LNPEP: variants seen among roughly 807,000 people sequenced by gnomAD.
The protein encoded by LNPEP is leucyl-cystinyl aminopeptidase.
In LNPEP, 64 loss-of-function variants were observed where a neutral mutation model predicts 120.6. The ratio of observed to expected loss-of-function variants is 0.53; its 90% CI spans 0.43 to 0.65. LNPEP has a LOEUF of 0.65. Among genes scored for constraint, LNPEP ranks in the 30% least tolerant of loss-of-function variants. LNPEP has a pLI of 0.00. For synonymous variants in LNPEP, 435 were observed against 425.4 expected (o/e 1.02, Z -0.28); for missense variants, 1,057 against 1,200.0 (o/e 0.88, Z 1.76).
At position 96,936,189 on chromosome 5, in the gene LNPEP, G is replaced by A; in HGVS notation, c.19+15G>A. On this transcript the variant is annotated intron_variant, in intron 1 of 17. Coordinates refer to ENST00000231368, the MANE Select transcript of LNPEP (RefSeq NM_005575.3). ...CTTCACCAATGGTGAGTGGGCTGCC[G>A]AGGCGCCGGGACCCGGGCTCTCCGG... 1 of 1,441,040 alleles carries A rather than the reference G, an allele frequency of 6.9e-7. No individual in the cohort carries two copies. The highest frequency in any genetic ancestry group is 9.1e-7 in the Non-Finnish European group (1 of 1,098,936). The allele number at this position is 1,441,040 out of a possible 1,614,324, so 89.3% of individuals were successfully genotyped here.
chr5:96,937,881 AAAAG>A (rs1788956143), intron 1 of LNPEP: 1 of 152,254 alleles, frequency 6.6e-6, no homozygotes, highest in African/African-American at 2.4e-5. Context: ...AGAGAACAAA[AAAAG>A]AAGCAATGCT....
intron 13 of LNPEP, among the ~76,000 whole-genome samples, chr5:97,019,235 C>G (rs1791132263): frequency 6.6e-6 from 1 of 152,106 alleles, no homozygotes; most frequent in Non-Finnish European, 1.5e-5. Context: ...TCTCCACTTG[C>G]CATTTCACTT....
intron 1 of LNPEP, among the ~76,000 whole-genome samples, chr5:96,940,945 G>A (rs189557920): frequency 1.4e-4 from 22 of 152,294 alleles, no homozygotes. Flanking sequence ...AGGGGAGAAG[G>A]TTTGGGGATG....
intron 12 of LNPEP, 44 bp downstream of exon 12, chr5:97,013,875 T>C: frequency 7.3e-7 from 1 of 1,377,272 alleles, no homozygotes; most frequent in Non-Finnish European, 1.0e-6. Context: ...TTTAAACAAA[T>C]GTCATTGAGG....
In LNPEP at chr5:97,006,490, G is replaced by A. The variant is rs775864248; in HGVS notation, c.2010G>A (p.Ser670=). The A allele has an allele frequency of 1.1e-5, 17 of 1,558,980 alleles. No homozygotes were observed. The highest frequency in any genetic ancestry group is 1.4e-5 in the Non-Finnish European group (16 of 1,130,854). The change falls in exon 11 of 18, where the codon TCG becomes TCA. Residue 670 remains serine, a synonymous_variant. Transcript: ENST00000231368. ...TEGRNYSKYQ[S]VSLLDKKSGV... is the part of the protein sequence containing the mutation. ...GAAGAAATTATTCAAAATATCAATC[G>A]GTATCATTACTGGATAAGAAATCAG...
At chr5:97,022,759 G>A (rs926533998) in intron 14 of LNPEP, among the ~76,000 whole-genome samples, 2 of 148,032 alleles carry the variant, frequency 1.4e-5, no homozygotes, top group African/African-American at 5.0e-5. Context: ...TTAGCATTAG[G>A]TATATCTCCT....
At chr5:96,966,211 T>C (rs1335138731) in intron 1 of LNPEP, among the ~76,000 whole-genome samples, 1 of 152,044 alleles carries the variant, frequency 6.6e-6, no homozygotes, top group African/African-American at 2.4e-5. Context: ...TTGAAAGTGA[T>C]GGAGGCCAAG....
At chr5:97,023,714 A>T (rs1791269738) in intron 14 of LNPEP, among the ~76,000 whole-genome samples, 1 of 151,964 alleles carries the variant, frequency 6.6e-6, no homozygotes, top group Admixed American at 6.6e-5. Flanking sequence ...TCTCCTAGAG[A>T]CCCTGCTTTC....
chr5:97,002,003 G>A (rs924025474), intron 8 of LNPEP, among the ~76,000 whole-genome samples: 7 of 152,156 alleles, frequency 4.6e-5, no homozygotes, highest in African/African-American at 1.4e-4. Context: ...AGCTGGGCGT[G>A]GTGGTGGTGC....
At chr5:96,987,044 A>G (rs1031397293) in intron 4 of LNPEP, among the ~76,000 whole-genome samples, 2 of 152,192 alleles carry the variant, frequency 1.3e-5, no homozygotes, top group Non-Finnish European at 2.9e-5. Flanking sequence ...CCATATTTCA[A>G]GTGTTCAGCA....
At chr5:97,003,093 A>C (rs940621395) in intron 8 of LNPEP, among the ~76,000 whole-genome samples, 1 of 152,164 alleles carries the variant, frequency 6.6e-6, no homozygotes, top group African/African-American at 2.4e-5. Context: ...TTTTCTATTA[A>C]AATGTTTTTA....
At chr5:97,008,023 C>T (rs1475185611) in intron 11 of LNPEP, among the ~76,000 whole-genome samples, 1 of 152,132 alleles carries the variant, frequency 6.6e-6, no homozygotes, top group East Asian at 1.9e-4. Flanking sequence ...TTGGTAATGT[C>T]ATCATATCTT....
Position 96,996,326 on chromosome 5 carries a change from A to C in LNPEP, c.1408-64A>C, listed in dbSNP as rs139514647. 34 of 884,768 alleles carry C rather than the reference A, an allele frequency of 3.8e-5. No individual in the cohort carries two copies. In the African/African-American group the frequency reaches 5.1e-4, roughly 13 times the overall value. 54.8% of individuals were successfully genotyped at this position (884,768 alleles called of 1,614,324 possible). ...AGATAATTAATATGACACTTCAGCC[A>C]ATTATTTAAAAAATTCCTGAGGCTG... On this transcript the variant is annotated intron_variant, in intron 6 of 17. Coordinates refer to ENST00000231368, the MANE Select transcript of LNPEP (RefSeq NM_005575.3).
Position 96,979,634 on chromosome 5 carries a change from T to G in LNPEP, c.516T>G (p.Val172=). 6.2e-7 allele frequency: 1 copy of G among 1,614,132 alleles called. No individual in the cohort carries two copies. Among genetic ancestry groups the G allele is most frequent in the Non-Finnish European group, 8.5e-7 (1 of 1,179,984 alleles). Reference sequence around the variant, plus strand: ...CACAGATCAGGCTTCCCACTGCCGTTGTGCCACTACGCTATGAACTCAGCC... The same window carrying G: ...CACAGATCAGGCTTCCCACTGCCGTGGTGCCACTACGCTATGAACTCAGCC... ...PWAQIRLPTA[V]VPLRYELSLH... The change falls in exon 2 of 18, where the codon GTT becomes GTG. Residue 172 remains valine (V), a synonymous_variant. Transcript: ENST00000231368.
chr5:96,947,773 C>G (rs1041102016), intron 1 of LNPEP, among the ~76,000 whole-genome samples: 12 of 151,982 alleles, frequency 7.9e-5, no homozygotes, highest in African/African-American at 2.7e-4. Context: ...AACCAGAAAA[C>G]TAAATACAGA....
intron 1 of LNPEP, among the ~76,000 whole-genome samples, chr5:96,947,229 C>T (rs764831913): frequency 1.3e-5 from 2 of 151,832 alleles, no homozygotes; most frequent in Non-Finnish European, 2.9e-5. Flanking sequence ...AAGACTGGCA[C>T]CCTATATTGT....
At chr5:97,013,574 C>A in intron 11 of LNPEP, 74 bp from the exon 12 acceptor site, 1 of 759,284 alleles carries the variant, frequency 1.3e-6, no homozygotes, top group Non-Finnish European at 2.0e-6. Context: ...AACTAAAAAA[C>A]AAAGCACTCA....
intron 11 of LNPEP, among the ~76,000 whole-genome samples, chr5:97,008,342 T>G (rs1790840608): frequency 8.6e-5 from 2 of 23,184 alleles, no homozygotes; most frequent in African/African-American, 3.3e-4. Flanking sequence ...TTCTTGTTTT[T>G]TTTTTTTTTT....
At chr5:96,942,546 C>T (rs1152315) in intron 1 of LNPEP, among the ~76,000 whole-genome samples, 1 of 150,764 alleles carries the variant, frequency 6.6e-6, no homozygotes, top group Non-Finnish European at 1.5e-5. Flanking sequence ...CCCAGCTACT[C>T]GGGAGGCTGA....
Sources: allele counts gnomAD v4.1 joint callset (sites outside exome capture counted in the v4.1 genomes callset), GRCh38; gene constraint gnomAD v4.1.1; transcripts MANE v1.5; gene names NCBI Gene and HGNC (gene_info 2026-07-23, HGNC 2026-07-21).